Variants in SKAP1 observed in about 807,000 individuals in gnomAD.
The protein encoded by SKAP1 is src kinase associated phosphoprotein 1.
In SKAP1, 44 loss-of-function variants were observed where a neutral mutation model predicts 58.5. The ratio of observed to expected loss-of-function variants is 0.75; its 90% CI spans 0.59 to 0.97. The LOEUF is 0.97. SKAP1 is among the 50% of genes least tolerant of loss of function. SKAP1 has a pLI of 0.00. For synonymous variants in SKAP1, 127 were observed against 149.7 expected (o/e 0.85, Z 1.11); for missense variants, 390 against 435.2 (o/e 0.90, Z 0.92).
In SKAP1 at chr17:48,318,633, C is replaced by T. The variant is rs562728416; in HGVS notation, c.280+27272G>A. Among the ~76,000 whole-genome samples, 254 of 152,222 alleles carry T rather than the reference C, an allele frequency of 1.7e-3. 2 individuals are homozygous for T. The highest frequency in any genetic ancestry group is 2.0e-3 in the African/African-American group (84 of 41,544). On this transcript the variant is annotated intron_variant, in intron 4 of 12. Transcript: ENST00000336915. ...GTAATTCCAGCACTTTGGGAGGCCACGGCAGGAAGACTGCTTGAGGCCAGG... is the reference window on the plus strand; with the variant it reads ...GTAATTCCAGCACTTTGGGAGGCCATGGCAGGAAGACTGCTTGAGGCCAGG...
chr17:48,405,621 C>T (rs2067572048), intron 1 of SKAP1, among the ~76,000 whole-genome samples: 1 of 151,458 alleles, frequency 6.6e-6, no homozygotes, highest in South Asian at 2.1e-4. Context: ...CCCTATCAGC[C>T]TCCTGAGTAG....
At chr17:48,285,696 AT>A (rs1312223383) in intron 4 of SKAP1, among the ~76,000 whole-genome samples, 2 of 151,766 alleles carry the variant, frequency 1.3e-5, no homozygotes, top group Non-Finnish European at 2.9e-5. Context: ...CAAATGCTGC[AT>A]TTTTATCATT....
At chr17:48,188,414 T>C (rs2064488068) in intron 5 of SKAP1, among the ~76,000 whole-genome samples, 3 of 152,158 alleles carry the variant, frequency 2.0e-5, no homozygotes, top group Non-Finnish European at 4.4e-5. Context: ...AAGGCAGAAG[T>C]GGTGGCTCAC....
intron 4 of SKAP1, among the ~76,000 whole-genome samples, chr17:48,328,430 T>C (rs1308559917): frequency 6.6e-6 from 1 of 152,172 alleles, no homozygotes; most frequent in Non-Finnish European, 1.5e-5. Context: ...GAATAAATGA[T>C]ACCCCCGTAC....
At chr17:48,147,622 G>A (rs1317682250) in intron 11 of SKAP1, among the ~76,000 whole-genome samples, 7 of 152,176 alleles carry the variant, frequency 4.6e-5, no homozygotes, top group Non-Finnish European at 8.8e-5. Flanking sequence ...GAAGGAGAAA[G>A]GAAATGGTCA....
chr17:48,319,348 G>A (rs1290616989), intron 4 of SKAP1, among the ~76,000 whole-genome samples: 1 of 151,908 alleles, frequency 6.6e-6, no homozygotes, highest in Non-Finnish European at 1.5e-5. Context: ...AATAGGGATT[G>A]GGACCAGCCT....
chr17:48,137,451 T>C, intron 11 of SKAP1, 114 bp from the exon 12 acceptor site: 1 of 692,876 alleles, frequency 1.4e-6, no homozygotes, highest in East Asian at 2.6e-5. Flanking sequence ...CCATTATCAC[T>C]GTGAACTGTT....
chr17:48,153,252 T>A (rs970268190), intron 11 of SKAP1, among the ~76,000 whole-genome samples: 7 of 152,232 alleles, frequency 4.6e-5, no homozygotes, highest in African/African-American at 1.7e-4. Context: ...CAGGTTTACA[T>A]GCATGCATAT....
At chr17:48,290,846 TA>T (rs2065889522) in intron 4 of SKAP1, among the ~76,000 whole-genome samples, 1 of 152,178 alleles carries the variant, frequency 6.6e-6, no homozygotes, top group Non-Finnish European at 1.5e-5. Context: ...TACAAAAAAT[TA>T]AAGACACTTC....
chr17:48,413,511 T>C (rs1364049467), intron 1 of SKAP1, among the ~76,000 whole-genome samples: 1 of 122,612 alleles, frequency 8.2e-6, no homozygotes, highest in Non-Finnish European at 1.6e-5. Flanking sequence ...CAAAACTCCG[T>C]CTCAAAAAAA....
chr17:48,201,768 T>C (rs1416454770), intron 4 of SKAP1, among the ~76,000 whole-genome samples: 1 of 152,208 alleles, frequency 6.6e-6, no homozygotes, highest in African/African-American at 2.4e-5. Context: ...CCTTGGACCT[T>C]ATCTATCTCC....
chr17:48,412,899 G>A (rs890154447), intron 1 of SKAP1, among the ~76,000 whole-genome samples: 1 of 151,590 alleles, frequency 6.6e-6, no homozygotes, highest in Non-Finnish European at 1.5e-5. Flanking sequence ...AACACTTTAG[G>A]AGGTCACATG....
chr17:48,248,922 G>A (rs1354902533), intron 4 of SKAP1: 2 of 152,106 alleles, frequency 1.3e-5, no homozygotes, highest in Non-Finnish European at 2.9e-5. Context: ...TTAGGCCGGC[G>A]CGGTGGCTCA....
chr17:48,146,648 A>G (rs2063836360), intron 11 of SKAP1, among the ~76,000 whole-genome samples: 1 of 149,310 alleles, frequency 6.7e-6, no homozygotes. Context: ...TTTTTTTGAG[A>G]TGGAGTTTTG....
chr17:48,428,008 C>T (rs372183263), intron 1 of SKAP1, among the ~76,000 whole-genome samples: 3 of 152,168 alleles, frequency 2.0e-5, no homozygotes, highest in African/African-American at 4.8e-5. Context: ...AATGAATAAT[C>T]CTCCTGGTCT....
chr17:48,195,040 A>G (rs545271460), intron 4 of SKAP1, among the ~76,000 whole-genome samples: 29 of 152,336 alleles, frequency 1.9e-4, no homozygotes, highest in African/African-American at 7.0e-4. Flanking sequence ...CACACGCTTT[A>G]AAATGCCTCA....
intron 4 of SKAP1, among the ~76,000 whole-genome samples, chr17:48,204,973 T>TTTTCTTTTCTTTCTTTCTTTCTCTTTC (rs71356522): frequency 1.3e-5 from 1 of 77,296 alleles, no homozygotes; most frequent in Non-Finnish European, 2.4e-5. Context: ...TTTTCTTTTC[T>TTTTCTTTTCTTTCTTTCTTTCTCTTTC]TTTCTTTCTT....
intron 9 of SKAP1, among the ~76,000 whole-genome samples, chr17:48,178,247 C>A (rs1427744209): frequency 6.6e-6 from 1 of 151,936 alleles, no homozygotes; most frequent in Non-Finnish European, 1.5e-5. Flanking sequence ...AGCATCAGCC[C>A]CCGCCCCCCG....
intron 1 of SKAP1, among the ~76,000 whole-genome samples, chr17:48,424,187 A>T (rs1369243936): frequency 1.3e-5 from 2 of 151,294 alleles, no homozygotes; most frequent in East Asian, 1.9e-4. Flanking sequence ...GTGTCCTCAC[A>T]TAGTGGAAGG....
Sources: allele counts gnomAD v4.1 joint callset (sites outside exome capture counted in the v4.1 genomes callset), GRCh38; gene constraint gnomAD v4.1.1; transcripts MANE v1.5; gene names NCBI Gene and HGNC (gene_info 2026-07-23, HGNC 2026-07-21).